Variants in MAPK12 observed in about 807,000 individuals in gnomAD.
MAPK12 encodes the protein mitogen-activated protein kinase 12, also known as MAP kinase 12.
A neutral mutation model predicts 49.1 loss-of-function variants in MAPK12; 49 were observed. The ratio of observed to expected loss-of-function variants is 1.00; its 90% CI spans 0.79 to 1.27. The LOEUF (loss-of-function observed/expected upper bound fraction) is 1.27. Ranked by LOEUF, MAPK12 falls within the 50% of genes most tolerant of loss-of-function variation. MAPK12 has a pLI of 0.00. For synonymous variants in MAPK12, 251 were observed against 209.7 expected (o/e 1.20, Z -1.70); for missense variants, 554 against 502.4 (o/e 1.10, Z -0.98).
intron 6 of MAPK12, 31 bp downstream of exon 6, chr22:50,256,555 GGGCCCCTGCCCCA>G: frequency 6.3e-7 from 1 of 1,595,752 alleles, no homozygotes; most frequent in Non-Finnish European, 8.5e-7. Flanking sequence ...GATCCAGAGG[GGGCCCCTGCCCCA>G]CCTCAGGGCC....
Position 50,258,016 on chromosome 22 carries a change from G to T in MAPK12, c.314+227C>A, listed in dbSNP as rs1045617610. ...AGAGGGCCCAGGTGCCAGGCGTGGA[G>T]AGAGGCAGCAGCCCCAGCTCTGCCC... is the stretch of plus-strand genomic sequence containing the variant. On this transcript the variant is annotated intron_variant, in intron 3 of 11. Coordinates refer to ENST00000215659, the MANE Select transcript of MAPK12 (RefSeq NM_002969.6). 53 of 733,250 alleles carry T rather than the reference G, an allele frequency of 7.2e-5. No homozygotes were observed. In the Admixed American group the frequency reaches 1.0e-3, roughly 14 times the overall value. The allele number at this position is 733,250 out of a possible 1,614,324, so 45.4% of individuals were successfully genotyped here. A position where few individuals can be genotyped will look rare whatever the true frequency, so the allele number is the denominator to read the frequency against.
chr22:50,257,065 TC>T lies in MAPK12; in HGVS notation c.426+16del. On this transcript the variant is annotated intron_variant, in intron 4 of 11. Coordinates refer to ENST00000215659, the MANE Select transcript of MAPK12 (RefSeq NM_002969.6). The stretch of plus-strand genomic sequence containing the variant: ...AGGCCCTGCCTGCCTCCCTGCAGCC[TC>T]CCCCGGGGCCCGTACCCTCAGCCCC... 1.2e-6 allele frequency: 2 copies of T among 1,609,090 alleles called. No homozygotes were observed. Among genetic ancestry groups the T allele is most frequent in the Non-Finnish European group, 8.5e-7 (1 of 1,177,774 alleles).
At chr22:50,256,411 G>A (rs570590932) in intron 6 of MAPK12, among the ~76,000 whole-genome samples, 188 bp downstream of exon 6, 17 of 152,338 alleles carry the variant, frequency 1.1e-4, no homozygotes, top group African/African-American at 3.1e-4. Context: ...CCCTCGGGAC[G>A]GAGCAGGTGC....
chr22:50,253,501 G>GGGGGGA, intron 11 of MAPK12, 21 bp from the exon 12 acceptor site: 3 of 354,170 alleles, frequency 8.5e-6, no homozygotes, highest in South Asian at 2.1e-5. Context: ...TGGGGGGGCG[G>GGGGGGA]GCACAACAGA....
chr22:50,261,366 C>T lies in MAPK12; in HGVS notation c.125+19G>A. 1 of 1,130,742 alleles carries T rather than the reference C, an allele frequency of 8.8e-7. No individual in the cohort carries two copies. The highest frequency in any genetic ancestry group is 1.7e-5 in the African/African-American group (1 of 58,900). 70.0% of individuals were successfully genotyped at this position (1,130,742 alleles called of 1,614,324 possible). A position where few individuals can be genotyped will look rare whatever the true frequency, so the allele number is the denominator to read the frequency against. ...GGCCCCGCCCGCCCCGCCGGCCGCC[C>T]CGCCCGGCCCGCGCTCACCACACCG... On this transcript the variant is annotated intron_variant, in intron 1 of 11. Transcript: ENST00000215659.
intron 2 of MAPK12, among the ~76,000 whole-genome samples, chr22:50,259,455 G>T (rs1304352339): frequency 6.6e-6 from 1 of 152,168 alleles, no homozygotes; most frequent in African/African-American, 2.4e-5. Context: ...AGCAAGGCAC[G>T]TGGCCTCACA....
intron 11 of MAPK12, 22 bp from the exon 12 acceptor site, chr22:50,253,502 G>GGGTGC: frequency 5.8e-6 from 1 of 171,686 alleles, no homozygotes. Context: ...GGGGGGGCGG[G>GGGTGC]CACAACAGAG....
intron 7 of MAPK12, 63 bp downstream of exon 7, chr22:50,256,022 G>T: frequency 1.3e-6 from 2 of 1,536,358 alleles, no homozygotes; most frequent in Non-Finnish European, 1.8e-6. Context: ...AGGGCTGTCC[G>T]TGAAGAAGTG....
rs752983913 is a variant in MAPK12 at position 50,253,495 on chromosome 22, G to A, written c.1025-15C>T. ...GTAAGTAACACCTGGCGGGGGTGGG[G>A]GGGCGGGCACAACAGAGAGGGGGGT... On this transcript the variant is annotated splice_polypyrimidine_tract_variant and intron_variant, in intron 11 of 11. Transcript: ENST00000215659. 4.1e-6 allele frequency: 2 copies of A among 483,440 alleles called. No homozygotes were observed. The highest frequency in any genetic ancestry group is 2.1e-5 in the African/African-American group (1 of 48,736). The allele number at this position is 483,440 out of a possible 1,614,324, so 29.9% of individuals were successfully genotyped here.
chr22:50,258,208 C>T (rs773494776), intron 3 of MAPK12, 35 bp downstream of exon 3: 6 of 1,609,362 alleles, frequency 3.7e-6, no homozygotes, highest in Non-Finnish European at 5.1e-6. Flanking sequence ...CCCAACACCC[C>T]TCGTGCCCAG....
intron 4 of MAPK12, 37 bp downstream of exon 4, chr22:50,257,045 C>G (rs748287439): frequency 6.2e-7 from 1 of 1,606,180 alleles, no homozygotes; most frequent in Non-Finnish European, 8.5e-7. Flanking sequence ...CCCCGAGGCC[C>G]TGCCTGCCTC....
chr22:50,258,545 C>T lies in MAPK12; in HGVS notation c.256-244G>A, dbSNP rs148879163. Among the ~76,000 whole-genome samples, 40 of 152,342 alleles carry T rather than the reference C, an allele frequency of 2.6e-4. No individual in the cohort carries two copies. In the East Asian group the frequency reaches 7.1e-3, roughly 27 times the overall value. On this transcript the variant is annotated intron_variant, in intron 2 of 11. Transcript: ENST00000215659. ...AAGGTTATTTTTGGACGGTGACAAC[C>T]GGGATCTTCTGGGGGAGGGGCAACC... is the stretch of plus-strand genomic sequence containing the variant.
intron 10 of MAPK12, 41 bp from the exon 11 acceptor site, chr22:50,255,411 C>T: frequency 6.2e-7 from 1 of 1,612,794 alleles, no homozygotes; most frequent in Admixed American, 1.7e-5. Flanking sequence ...CGGGAGGCCC[C>T]ACACTCCAGC....
In MAPK12 at chr22:50,261,468, C is replaced by A. The variant is rs868525288; in HGVS notation, c.42G>T (p.Gln14His). 1 of 1,281,440 alleles carries A rather than the reference C, an allele frequency of 7.8e-7. No homozygotes were observed. Among genetic ancestry groups the A allele is most frequent in the South Asian group, 1.6e-5 (1 of 62,316 alleles). The allele number at this position is 1,281,440 out of a possible 1,614,324, so 79.4% of individuals were successfully genotyped here. A position where few individuals can be genotyped will look rare whatever the true frequency, so the allele number is the denominator to read the frequency against. The change falls in exon 1 of 12, where the codon CAG becomes CAT. Residue 14 changes from glutamine (Q) to histidine (H), a missense_variant. By Grantham distance (24) the Gln-to-His change is conservative (BLOSUM62 0). Transcript: ENST00000215659. ...PPPARSGFYR[Q>H]EVTKTAWEVR... ...CCTCCCAGGCCGTCTTGGTCACCTC[C>A]TGGCGGTAAAAGCCACTGCGGGCGG...
chr22:50,254,911 A>T (rs5771280), intron 11 of MAPK12: 944,471 of 1,305,434 alleles, frequency 0.72, 345,546 homozygotes, highest in African/African-American at 0.93. Flanking sequence ...CTTCCCTTCA[A>T]CTTCCAGCTC....
chr22:50,261,173 G>A lies in MAPK12; in HGVS notation c.249C>T (p.His83=). The A allele has an allele frequency of 1.3e-6, 2 of 1,589,556 alleles. No individual in the cohort carries two copies. The change falls in exon 2 of 12, where the codon CAC becomes CAT. Residue 83 remains histidine, a synonymous_variant. Coordinates refer to ENST00000215659, the MANE Select transcript of MAPK12 (RefSeq NM_002969.6). The stretch of plus-strand genomic sequence containing the variant: ...GCGGGGCCGCGCGACTCACGTTCTC[G>A]TGGCGCATGTGCTTGAGCAGGCGCA... ...RELRLLKHMR[H]ENVIGLLDVF...
chr22:50,258,572 G>C (rs969352435), intron 2 of MAPK12, among the ~76,000 whole-genome samples: 1 of 152,264 alleles, frequency 6.6e-6, no homozygotes, highest in African/African-American at 2.4e-5. Context: ...GGGGCAACCC[G>C]GAGTCTGGGA....
chr22:50,256,928 G>A lies in MAPK12; in HGVS notation c.456+7C>T, dbSNP rs1458658220. The A allele has an allele frequency of 6.2e-7, 1 of 1,606,032 alleles. No homozygotes were observed. Among genetic ancestry groups the A allele is most frequent in the South Asian group, 1.1e-5 (1 of 90,396 alleles). On this transcript the variant is annotated splice_region_variant and intron_variant, in intron 5 of 11. Coordinates refer to ENST00000215659, the MANE Select transcript of MAPK12 (RefSeq NM_002969.6). ...GGCTGATGAGCGGCTTCTCCACCGG[G>A]ACTCACTCTGTGGATGATGCCGGCA...
Position 50,255,847 on chromosome 22 carries a change from C to G in MAPK12, c.654G>C (p.Glu218Asp). ...TGAACAGCGTCTTGCCTGTGATCAT[C>G]TCCGCCATGATGCAGCCCACAGACC... ...DIWSVGCIMA[E>D]MITGKTLFKG... Residue 218 changes from glutamate to aspartate, a missense_variant, in exon 8 of 12, where the codon GAG becomes GAC. Physicochemically the swap from Glu to Asp is conservative, Grantham distance 45. Transcript: ENST00000215659. 1 of 1,612,784 alleles carries G rather than the reference C, an allele frequency of 6.2e-7. No homozygotes were observed. The highest frequency in any genetic ancestry group is 1.3e-5 in the African/African-American group (1 of 75,056).
Sources: gnomAD v4.1 joint callset for allele counts (sites outside exome capture counted in the v4.1 genomes callset) on GRCh38, gnomAD v4.1.1 for gene constraint, MANE v1.5 for transcripts, NCBI Gene and HGNC (gene_info 2026-07-23, HGNC 2026-07-21) for gene names.